ATXN7L1: variants seen among roughly 807,000 people sequenced by gnomAD.
The protein encoded by ATXN7L1 is ataxin-7-like protein 1.
In ATXN7L1, 15 loss-of-function variants were observed where a neutral mutation model predicts 70.8. The ratio of observed to expected loss-of-function variants is 0.21; its 90% CI spans 0.14 to 0.33. The LOEUF is 0.33. Among genes scored for constraint, ATXN7L1 ranks in the 10% least tolerant of loss-of-function variants. ATXN7L1 has a pLI of 1.00. For missense variants in ATXN7L1, 975 were observed against 1,097.1 expected, an observed-to-expected ratio of 0.89 and a Z score of 1.57; for synonymous variants, 440 against 445.1, an observed-to-expected ratio of 0.99 and a Z score of 0.14.
rs116113570 is a variant in ATXN7L1, at chr7:105,730,995, A to T, written c.355+57609T>A. 6.7e-3 allele frequency among the ~76,000 whole-genome samples: 1,019 copies of T among 152,284 alleles called. 10 individuals carry two copies. The highest frequency in any genetic ancestry group is 0.023 in the African/African-American group (975 of 41,556). Reference sequence around the variant, plus strand: ...CTCTCTGTACAGGTCGAGAATCCCTAATCAGAAAATCCAAAATGCTTCCAA... The same window carrying T: ...CTCTCTGTACAGGTCGAGAATCCCTTATCAGAAAATCCAAAATGCTTCCAA... On this transcript the variant is annotated intron_variant, in intron 3 of 11. Transcript: ENST00000419735.
chr7:105,761,245 A>G (rs1391201390), intron 3 of ATXN7L1: 29 of 1,514,694 alleles, frequency 1.9e-5, no homozygotes, highest in Non-Finnish European at 2.4e-5. Context: ...GTGCTCACGA[A>G]TTTGCAGTGA....
rs935774945 is a variant in ATXN7L1, at chr7:105,605,674, GTTT to G, written c.*2175_*2177del. On this transcript the variant is annotated 3_prime_UTR_variant, in exon 12 of 12. Transcript: ENST00000419735. ...AGGGTTATTTTGTTGTGGAGATTTTGTTTTTTGTTTTTACTCCTGCAAGTTTTA... is the reference window on the plus strand; with the variant it reads ...AGGGTTATTTTGTTGTGGAGATTTTGTTTGTTTTTACTCCTGCAAGTTTTA... The G allele has an allele frequency of 1.3e-5, 2 of 152,052 alleles. No individual in the cohort carries two copies. The highest frequency in any genetic ancestry group is 1.3e-4 in the Admixed American group (2 of 15,282). 9.4% of individuals were successfully genotyped at this position (152,052 alleles called of 1,614,324 possible).
At chr7:105,699,640 C>T (rs1563016819) in intron 3 of ATXN7L1, among the ~76,000 whole-genome samples, 1 of 152,124 alleles carries the variant, frequency 6.6e-6, no homozygotes, top group African/African-American at 2.4e-5. Flanking sequence ...GTAGATGAGA[C>T]ACAAGTTCCC....
At chr7:105,613,001 G>T (rs1195467714) in intron 10 of ATXN7L1, among the ~76,000 whole-genome samples, 2 of 152,180 alleles carry the variant, frequency 1.3e-5, no homozygotes, top group East Asian at 3.9e-4. Context: ...CGTCAGACCT[G>T]GCTCCCCAGA....
At chr7:105,617,867 C>T (rs143623076) in intron 9 of ATXN7L1, 5 of 452,250 alleles carry the variant, frequency 1.1e-5, no homozygotes, top group African/African-American at 2.0e-5. Flanking sequence ...AGAGTCTTGG[C>T]CGTTCCTTTT....
intron 3 of ATXN7L1, among the ~76,000 whole-genome samples, chr7:105,679,564 G>A (rs1805256428): frequency 6.6e-6 from 1 of 152,140 alleles, no homozygotes; most frequent in Admixed American, 6.5e-5. Context: ...TACTTTTGTG[G>A]GTTGTTGGAA....
Position 105,624,278 on chromosome 7 carries a change from G to T in ATXN7L1, c.1203-11C>A. 1 of 1,381,900 alleles carries T rather than the reference G, an allele frequency of 7.2e-7. No homozygotes were observed. Among genetic ancestry groups the T allele is most frequent in the East Asian group, 2.9e-5 (1 of 34,642 alleles). The allele number at this position is 1,381,900 out of a possible 1,614,324, so 85.6% of individuals were successfully genotyped here. On this transcript the variant is annotated splice_polypyrimidine_tract_variant and intron_variant, in intron 7 of 11. Transcript: ENST00000419735. ...TTTGCAGATGATGGTCTAAGGGCAA[G>T]AGCGGAGAACAAACAAAATAAACCA... is the stretch of plus-strand genomic sequence containing the variant.
chr7:105,818,266 C>T (rs1809497133), intron 2 of ATXN7L1, among the ~76,000 whole-genome samples: 1 of 152,168 alleles, frequency 6.6e-6, no homozygotes, highest in Admixed American at 6.5e-5. Flanking sequence ...GCCTCCCAGG[C>T]TTAAGCAATC....
At chr7:105,698,428 G>A (rs1302625574) in intron 3 of ATXN7L1, among the ~76,000 whole-genome samples, 1 of 152,106 alleles carries the variant, frequency 6.6e-6, no homozygotes, top group Non-Finnish European at 1.5e-5. Flanking sequence ...GCTGTGGTGT[G>A]ACCATTGCTC....
intron 5 of ATXN7L1, among the ~76,000 whole-genome samples, chr7:105,641,440 T>C (rs1798235553): frequency 6.6e-6 from 1 of 151,228 alleles, no homozygotes. Flanking sequence ...GGCTGCCAAA[T>C]GTGAAAGTGA....
At chr7:105,665,949 G>A (rs978750889) in intron 3 of ATXN7L1, among the ~76,000 whole-genome samples, 2 of 152,156 alleles carry the variant, frequency 1.3e-5, no homozygotes, top group Non-Finnish European at 2.9e-5. Flanking sequence ...TTGGGCCGGC[G>A]AGCACAACTT....
chr7:105,628,778 G>A (rs555250786), intron 7 of ATXN7L1, among the ~76,000 whole-genome samples: 329 of 150,166 alleles, frequency 2.2e-3, no homozygotes, highest in Non-Finnish European at 3.6e-3. Context: ...GGGCCACAGA[G>A]CGAGACTCCA....
intron 7 of ATXN7L1, among the ~76,000 whole-genome samples, chr7:105,632,730 G>A (rs904527660): frequency 7.9e-5 from 12 of 151,838 alleles, no homozygotes; most frequent in African/African-American, 2.9e-4. Flanking sequence ...GATCAGCCTG[G>A]GCAACACAGC....
intron 3 of ATXN7L1, among the ~76,000 whole-genome samples, chr7:105,665,516 C>T (rs1016926665): frequency 1.3e-5 from 2 of 152,226 alleles, no homozygotes; most frequent in Non-Finnish European, 1.5e-5. Context: ...GCATGCTCAA[C>T]TAACATCAGG....
chr7:105,796,130 C>T (rs138695871), intron 2 of ATXN7L1, among the ~76,000 whole-genome samples: 8 of 152,140 alleles, frequency 5.3e-5, no homozygotes, highest in African/African-American at 1.2e-4. Flanking sequence ...TTTGGGAGGC[C>T]GAGGCGGGCA....
chr7:105,614,080 G>A lies in ATXN7L1; in HGVS notation c.2254C>T (p.Leu752Phe). Residue 752 changes from leucine (L) to phenylalanine (F), a missense_variant, in exon 10 of 12, where the codon CTC (leucine) becomes TTC (phenylalanine). Physicochemically the swap from Leu to Phe is conservative, Grantham distance 22 (BLOSUM62 0). This residue lies in a region of ATXN7L1 where 635 missense variants were observed against 699.4 expected (regional missense o/e 0.91). Coordinates refer to ENST00000419735, the MANE Select transcript of ATXN7L1 (RefSeq NM_020725.2). This position sits in a 1 kb window ranked among gnomAD's most constrained non-coding sequence, Gnocchi z 4.3. ...SCPLSVPSLA[L>F]HAGDLSLASH... ...GCCAGAGAGAGGTCCCCTGCGTGGA[G>A]CGCAAGGGAGGGCACAGAGAGGGGA... is the stretch of plus-strand genomic sequence containing the variant. 6.4e-7 allele frequency: 1 copy of A among 1,551,790 alleles called. No individual in the cohort carries two copies. Among genetic ancestry groups the A allele is most frequent in the Non-Finnish European group, 8.7e-7 (1 of 1,147,022 alleles).
chr7:105,817,818 C>T (rs1237395737), intron 2 of ATXN7L1, among the ~76,000 whole-genome samples: 1 of 152,132 alleles, frequency 6.6e-6, no homozygotes. Flanking sequence ...TTCAGCTACT[C>T]CGGAGGCTGA....
intron 3 of ATXN7L1, among the ~76,000 whole-genome samples, chr7:105,666,046 T>G (rs1233115073): frequency 2.0e-5 from 3 of 152,228 alleles, no homozygotes; most frequent in Non-Finnish European, 2.9e-5. Flanking sequence ...TTCGACTGAA[T>G]GGGCAGGATG....
intron 3 of ATXN7L1, among the ~76,000 whole-genome samples, chr7:105,721,659 C>A (rs1028918688): frequency 6.6e-6 from 1 of 152,194 alleles, no homozygotes; most frequent in African/African-American, 2.4e-5. Flanking sequence ...TTGTAAAAAT[C>A]GTGAACACCC....
Sources: gnomAD v4.1 joint callset for allele counts (sites outside exome capture counted in the v4.1 genomes callset) on GRCh38, gnomAD v4.1.1 for gene constraint, gnomAD v4.1.1 regional missense constraint, Gnocchi (gnomAD v3.1) non-coding constraint, MANE v1.5 for transcripts, NCBI Gene and HGNC (gene_info 2026-07-23, HGNC 2026-07-21) for gene names.